Variants in PCDHA9 observed in about 807,000 individuals in gnomAD.
PCDHA9 encodes the protein protocadherin alpha-9.
A neutral mutation model predicts 62.0 loss-of-function variants in PCDHA9; 62 were observed. That is an observed-to-expected ratio of 1.00 (90% CI 0.81 to 1.23). PCDHA9 has a LOEUF of 1.23. Ranked by LOEUF, PCDHA9 falls within the 50% of genes most tolerant of loss-of-function variation. The probability of loss-of-function intolerance (pLI) is 0.00; values close to 1 mark genes in which losing one functional copy is unlikely to be tolerated. For missense variants in PCDHA9, 1,205 were observed against 1,249.8 expected (o/e 0.96, Z 0.54); for synonymous variants, 557 against 567.6 (o/e 0.98, Z 0.27).
intron 1 of PCDHA9, among the ~76,000 whole-genome samples, chr5:140,855,586 G>A (rs2043525650): frequency 1.3e-5 from 2 of 149,676 alleles, no homozygotes; most frequent in Admixed American, 1.3e-4. Context: ...TAAAATATTA[G>A]TATACTCAGT....
chr5:140,988,866 C>T (rs1364853349), intron 3 of PCDHA9: 2 of 152,170 alleles, frequency 1.3e-5, no homozygotes, highest in Non-Finnish European at 2.9e-5. Context: ...CTCATGTGCA[C>T]TCAGATGTAC....
At chr5:141,000,547 A>T (rs2097946124) in intron 3 of PCDHA9, among the ~76,000 whole-genome samples, 1 of 147,246 alleles carries the variant, frequency 6.8e-6, no homozygotes, top group Non-Finnish European at 1.5e-5. Context: ...CATGCCTCAA[A>T]CTCCCGAGTA....
chr5:140,890,439 A>C lies in PCDHA9; in HGVS notation c.2394+39550A>C, dbSNP rs114755692. On this transcript the variant is annotated intron_variant, in intron 1 of 3. Coordinates refer to ENST00000532602, the MANE Select transcript of PCDHA9 (RefSeq NM_031857.2). The stretch of plus-strand genomic sequence containing the variant: ...TATTTAGTTTATATTTACAATACCT[A>C]GTGATATCTTTAGGCACAAATATTT... 7.6e-3 allele frequency among the ~76,000 whole-genome samples: 1,153 copies of C among 152,326 alleles called. 6 individuals are homozygous for C. Among genetic ancestry groups the C allele is most frequent in the Non-Finnish European group, 0.013 (886 of 68,014 alleles).
rs1336398509 is a variant in PCDHA9 at position 140,898,765 on chromosome 5, G to A, written c.2394+47876G>A. On this transcript the variant is annotated intron_variant, in intron 1 of 3. Transcript: ENST00000532602. ...GCTTGATGGGGATGGCATTGAATCT[G>A]TAAATTACCTTGGGCAGTATGGCCA... 8.0e-3 allele frequency among the ~76,000 whole-genome samples: 1,218 copies of A among 151,752 alleles called. 6 individuals are homozygous for A. The highest frequency in any genetic ancestry group is 0.019 in the African/African-American group (786 of 41,220).
intron 1 of PCDHA9, among the ~76,000 whole-genome samples, chr5:140,973,394 A>C (rs1263015635): frequency 6.6e-6 from 1 of 152,244 alleles, no homozygotes; most frequent in African/African-American, 2.4e-5. Flanking sequence ...CAAAGAAATC[A>C]TATCTATGAG....
intron 1 of PCDHA9, chr5:140,877,371 G>T: frequency 6.2e-7 from 1 of 1,613,994 alleles, no homozygotes; most frequent in Non-Finnish European, 8.5e-7. Flanking sequence ...AGATCAGCAC[G>T]ACACGCATCC....
intron 1 of PCDHA9, among the ~76,000 whole-genome samples, chr5:140,880,869 G>A (rs1017640769): frequency 2.0e-5 from 3 of 152,064 alleles, no homozygotes; most frequent in Non-Finnish European, 4.4e-5. Context: ...TATGTGAAGA[G>A]GTAAATAAAG....
chr5:140,863,884 C>T (rs1388458800), intron 1 of PCDHA9: 1 of 167,076 alleles, frequency 6.0e-6, no homozygotes, highest in Non-Finnish European at 1.3e-5. Flanking sequence ...ACCTGTAATC[C>T]CAGCTACTCA....
At chr5:140,884,622 GAAC>G (rs1562808706) in intron 1 of PCDHA9, 7 of 1,613,830 alleles carry the variant, frequency 4.3e-6, no homozygotes, top group Non-Finnish European at 5.9e-6. Flanking sequence ...TCTGCAGAGG[GAAC>G]AGGCCAGAGG....
chr5:140,876,723 C>T (rs782820769), intron 1 of PCDHA9: 2 of 1,614,130 alleles, frequency 1.2e-6, no homozygotes, highest in African/African-American at 1.3e-5. Flanking sequence ...ACCGCGAGAG[C>T]GTGTCGGCCT....
chr5:140,964,238 T>G (rs1354844619), intron 1 of PCDHA9, among the ~76,000 whole-genome samples: 1 of 152,208 alleles, frequency 6.6e-6, no homozygotes, highest in Admixed American at 6.5e-5. Flanking sequence ...AGGCTGATTG[T>G]GTTGGCTTTA....
intron 1 of PCDHA9, chr5:140,861,587 G>A (rs781869263): frequency 4.3e-5 from 16 of 374,992 alleles, no homozygotes; most frequent in Middle Eastern, 1.0e-3. Context: ...TCCATGTGGA[G>A]GTGAAAGTGA....
At chr5:140,978,887 A>C (rs1367734690) in intron 1 of PCDHA9, 62 bp from the exon 2 acceptor site, 14 of 1,611,648 alleles carry the variant, frequency 8.7e-6, no homozygotes, top group Admixed American at 1.7e-5. Flanking sequence ...ATCAATTAGC[A>C]GCATTCCTGG....
intron 1 of PCDHA9, among the ~76,000 whole-genome samples, chr5:140,921,041 G>A (rs902181810): frequency 1.3e-5 from 2 of 151,820 alleles, no homozygotes; most frequent in Non-Finnish European, 2.9e-5. Flanking sequence ...GTGCAGTGGG[G>A]CAATCATAGC....
chr5:140,917,396 G>C (rs928504202), intron 1 of PCDHA9, among the ~76,000 whole-genome samples: 2 of 151,286 alleles, frequency 1.3e-5, no homozygotes, highest in East Asian at 3.9e-4. Flanking sequence ...ATGTGCAGAA[G>C]CTCTTTAGTT....
At chr5:140,870,154 G>A (rs1243170344) in intron 1 of PCDHA9, 2 of 1,614,130 alleles carry the variant, frequency 1.2e-6, no homozygotes, top group Non-Finnish European at 8.5e-7. Context: ...TGAAGTCGCC[G>A]TGACTTCCTT....
intron 1 of PCDHA9, chr5:140,867,464 C>A (rs1358869562): frequency 6.6e-6 from 1 of 151,874 alleles, no homozygotes; most frequent in Non-Finnish European, 1.5e-5. Context: ...AGTGTTATGA[C>A]AACATTGGGA....
intron 1 of PCDHA9, chr5:140,967,956 A>C: frequency 6.2e-7 from 1 of 1,614,172 alleles, no homozygotes; most frequent in Non-Finnish European, 8.5e-7. Context: ...TCAGGCCCCA[A>C]CCGGAAAGTG....
At chr5:140,867,824 G>A (rs1258393601) in intron 1 of PCDHA9, 1 of 151,982 alleles carries the variant, frequency 6.6e-6, no homozygotes, top group African/African-American at 2.4e-5. Flanking sequence ...ATTTCCACAA[G>A]CACTAAGGTA....
Sources: allele counts gnomAD v4.1 joint callset (sites outside exome capture counted in the v4.1 genomes callset), GRCh38; gene constraint gnomAD v4.1.1; transcripts MANE v1.5; gene names NCBI Gene and HGNC (gene_info 2026-07-23, HGNC 2026-07-21).